Variants in PTPRR observed in about 807,000 individuals in gnomAD.
PTPRR encodes receptor-type tyrosine-protein phosphatase R.
In PTPRR, 38 loss-of-function variants were observed where a neutral mutation model predicts 77.2. The observed-to-expected ratio is 0.49, with a 90% confidence interval of 0.38 to 0.65. The LOEUF is 0.65. Ranked by LOEUF, PTPRR falls within the 30% of genes least tolerant of loss-of-function variation. The pLI is 0.00. For missense variants in PTPRR, 744 were observed against 799.2 expected, an observed-to-expected ratio of 0.93 and a Z score of 0.83; for synonymous variants, 299 against 283.1, an observed-to-expected ratio of 1.06 and a Z score of -0.57.
At chr12:70,746,155 C>A in intron 5 of PTPRR, 69 bp from the exon 6 acceptor site, 2 of 1,440,270 alleles carry the variant, frequency 1.4e-6, no homozygotes, top group Admixed American at 2.4e-5. Context: ...ATCTCCTCCA[C>A]CCCACCCTGG....
chr12:70,842,511 C>T (rs1892413611), intron 2 of PTPRR, among the ~76,000 whole-genome samples: 1 of 152,212 alleles, frequency 6.6e-6, no homozygotes, highest in Admixed American at 6.5e-5. Context: ...GCTGCGCTTC[C>T]TCCCCCCAAA....
intron 1 of PTPRR, among the ~76,000 whole-genome samples, chr12:70,912,915 A>G (rs1415916196): frequency 1.3e-5 from 2 of 152,166 alleles, no homozygotes; most frequent in Admixed American, 6.5e-5. Flanking sequence ...TAAGTGTGTC[A>G]GCATTTGTAA....
chr12:70,642,471 C>G (rs562827602), intron 13 of PTPRR, among the ~76,000 whole-genome samples: 54 of 152,216 alleles, frequency 3.5e-4, no homozygotes, highest in Non-Finnish European at 6.2e-4. Context: ...ATCTTTTTAT[C>G]TAAGGCATTA....
At chr12:70,843,642 A>T (rs1892433457) in intron 2 of PTPRR, among the ~76,000 whole-genome samples, 1 of 152,086 alleles carries the variant, frequency 6.6e-6, no homozygotes, top group African/African-American at 2.4e-5. Flanking sequence ...AAGTCAGTAG[A>T]TGTTTCCAAA....
intron 1 of PTPRR, chr12:70,906,902 A>G (rs1233179559): frequency 6.6e-6 from 1 of 152,314 alleles, no homozygotes; most frequent in Non-Finnish European, 1.5e-5. Flanking sequence ...AAACTTATTA[A>G]AAGAACACTT....
chr12:70,837,343 G>C (rs150700358), intron 2 of PTPRR, among the ~76,000 whole-genome samples: 2 of 152,168 alleles, frequency 1.3e-5, no homozygotes, highest in East Asian at 3.9e-4. Flanking sequence ...AGACCATTTG[G>C]CTGCCTTGAT....
At chr12:70,697,775 C>T (rs575272336) in intron 8 of PTPRR, among the ~76,000 whole-genome samples, 1 of 152,082 alleles carries the variant, frequency 6.6e-6, no homozygotes, top group East Asian at 1.9e-4. Context: ...TGTTTCTGCT[C>T]CATTTGTTGA....
At chr12:70,794,969 T>A (rs996770152) in intron 2 of PTPRR, among the ~76,000 whole-genome samples, 2 of 152,062 alleles carry the variant, frequency 1.3e-5, no homozygotes, top group Non-Finnish European at 2.9e-5. Context: ...AGATTCAGGG[T>A]GGGACAGTTG....
At position 70,738,211 on chromosome 12, in the gene PTPRR, T is replaced by C. The variant is rs80075986; in HGVS notation, c.1007+7607A>G. Among the ~76,000 whole-genome samples the C allele has an allele frequency of 6.6e-3, 1,008 of 152,316 alleles. 13 individuals are homozygous for C. Among genetic ancestry groups the C allele is most frequent in the African/African-American group, 0.023 (947 of 41,558 alleles). Reference sequence around the variant, plus strand: ...ACCTTTAGACTCACAATCCTGGGTGTTATATCATTTTCACAGTATTTATTG... The same window carrying C: ...ACCTTTAGACTCACAATCCTGGGTGCTATATCATTTTCACAGTATTTATTG... On this transcript the variant is annotated intron_variant, in intron 6 of 13. Coordinates refer to ENST00000283228, the MANE Select transcript of PTPRR (RefSeq NM_002849.4).
intron 7 of PTPRR, 131 bp from the exon 8 acceptor site, chr12:70,698,480 G>A: frequency 1.5e-6 from 1 of 657,840 alleles, no homozygotes; most frequent in Non-Finnish European, 2.6e-6. Context: ...AGCACCTCTG[G>A]TGGACCAACA....
At chr12:70,819,503 A>G (rs1006260403) in intron 2 of PTPRR, among the ~76,000 whole-genome samples, 1 of 152,196 alleles carries the variant, frequency 6.6e-6, no homozygotes, top group Non-Finnish European at 1.5e-5. Flanking sequence ...CAAAATTTTC[A>G]CTTCAATTTA....
At chr12:70,687,519 G>A (rs552944178) in intron 8 of PTPRR, among the ~76,000 whole-genome samples, 2 of 152,078 alleles carry the variant, frequency 1.3e-5, no homozygotes, top group Non-Finnish European at 2.9e-5. Context: ...CATGCCATAT[G>A]GAAGCAATGT....
Position 70,745,982 on chromosome 12 carries a change from G to A in PTPRR, c.843C>T (p.Ser281=), listed in dbSNP as rs756261842. The part of the protein sequence containing the change: ...LSPITLQPAL[S]EAKTVHSMVQ... ...CCATGCTGTGGACTGTCTTTGCCTC[G>A]GACAGTGCTGGCTGTAATGTGATGG... is the stretch of plus-strand genomic sequence containing the variant. The change falls in exon 6 of 14, where the codon TCC becomes TCT. Residue 281 remains serine, a synonymous_variant. Coordinates refer to ENST00000283228, the MANE Select transcript of PTPRR (RefSeq NM_002849.4). The A allele has an allele frequency of 1.7e-5, 28 of 1,613,876 alleles. 1 individual carries two copies. The highest frequency in any genetic ancestry group is 2.1e-5 in the Non-Finnish European group (25 of 1,179,962).
chr12:70,702,443 G>A (rs545351941), intron 6 of PTPRR, among the ~76,000 whole-genome samples: 1 of 152,188 alleles, frequency 6.6e-6, no homozygotes, highest in East Asian at 1.9e-4. Context: ...CAAAATATGT[G>A]AGAGTAAAGA....
At chr12:70,919,688 T>TTTTG (rs1893826413) in intron 1 of PTPRR, among the ~76,000 whole-genome samples, 2 of 135,628 alleles carry the variant, frequency 1.5e-5, no homozygotes, top group Non-Finnish European at 3.2e-5. Flanking sequence ...TTTTTTTTTT[T>TTTTG]TTTTTTTTTT....
In PTPRR at chr12:70,765,641, G is replaced by C. The variant is rs557314750; in HGVS notation, c.358-863C>G. Among the ~76,000 whole-genome samples, 308 of 152,288 alleles carry C rather than the reference G, an allele frequency of 2.0e-3. 1 individual carries two copies. Among genetic ancestry groups the C allele is most frequent in the African/African-American group, 6.6e-3 (276 of 41,562 alleles). On this transcript the variant is annotated intron_variant, in intron 2 of 13. Transcript: ENST00000283228. Reference sequence around the variant, plus strand: ...TGCAGACTTAAATGTCCCTGTCTGAGAGCTTTGAAGAGAGCAGTGGTTCTC... The same window carrying C: ...TGCAGACTTAAATGTCCCTGTCTGACAGCTTTGAAGAGAGCAGTGGTTCTC...
intron 2 of PTPRR, among the ~76,000 whole-genome samples, chr12:70,800,948 T>C (rs1891604792): frequency 6.6e-6 from 1 of 151,916 alleles, no homozygotes; most frequent in Non-Finnish European, 1.5e-5. Flanking sequence ...ACATGCCTAT[T>C]AAGTCATGCA....
chr12:70,660,178 T>TGATA (rs71068717), intron 12 of PTPRR, among the ~76,000 whole-genome samples: 6 of 140,964 alleles, frequency 4.3e-5, no homozygotes, highest in Non-Finnish European at 9.4e-5. Context: ...CTCTGTCTCA[T>TGATA]AATAAATAAA....
intron 2 of PTPRR, among the ~76,000 whole-genome samples, chr12:70,857,884 T>A (rs555339283): frequency 6.6e-6 from 1 of 152,226 alleles, no homozygotes; most frequent in South Asian, 2.1e-4. Context: ...GAGGAACCTA[T>A]AAGCCAGAAG....
Sources: gnomAD v4.1 joint callset for allele counts (sites outside exome capture counted in the v4.1 genomes callset) on GRCh38, gnomAD v4.1.1 for gene constraint, MANE v1.5 for transcripts, NCBI Gene and HGNC (gene_info 2026-07-23, HGNC 2026-07-21) for gene names.